The following CCDC178 variants were observed in gnomAD, a reference collection of about 807,000 sequenced individuals.
CCDC178 encodes coiled-coil domain-containing protein 178.
CCDC178 carries 126 observed loss-of-function variants against 117.4 expected under a neutral mutation model. The ratio of observed to expected loss-of-function variants is 1.07; its 90% CI spans 0.93 to 1.24. The LOEUF is 1.24. CCDC178 is among the 50% of genes most tolerant of loss of function. The pLI, the probability that CCDC178 is intolerant of heterozygous loss-of-function variation, is 0.00. For missense variants in CCDC178, 1,030 were observed against 986.9 expected (o/e 1.04, Z -0.59); for synonymous variants, 283 against 313.4 (o/e 0.90, Z 1.02).
At chr18:33,263,084 G>A (rs2059770661) in intron 14 of CCDC178, among the ~76,000 whole-genome samples, 1 of 152,034 alleles carries the variant, frequency 6.6e-6, no homozygotes, top group African/African-American at 2.4e-5. Context: ...TCAAATAAAT[G>A]GAGTTCAAAA....
intron 20 of CCDC178, among the ~76,000 whole-genome samples, chr18:33,133,879 A>G (rs1429723055): frequency 6.6e-6 from 1 of 151,992 alleles, no homozygotes; most frequent in Admixed American, 6.6e-5. Context: ...TAGATATCAT[A>G]TAATGAAATA....
At chr18:33,084,599 T>C (rs1223378942) in intron 21 of CCDC178, among the ~76,000 whole-genome samples, 2 of 151,804 alleles carry the variant, frequency 1.3e-5, no homozygotes, top group Non-Finnish European at 2.9e-5. Flanking sequence ...GATCACGAGG[T>C]CAGGAGTTCA....
chr18:33,220,157 G>A (rs987534712), intron 18 of CCDC178, among the ~76,000 whole-genome samples: 13 of 152,014 alleles, frequency 8.6e-5, no homozygotes, highest in Non-Finnish European at 1.8e-4. Context: ...GCTCCCATCT[G>A]CAGAAACACA....
chr18:33,327,833 A>G (rs2145028915), intron 10 of CCDC178, among the ~76,000 whole-genome samples: 1 of 152,148 alleles, frequency 6.6e-6, no homozygotes, highest in South Asian at 2.1e-4. Context: ...TTCTCTGTTT[A>G]TTTTAAATTT....
chr18:33,151,056 G>A (rs774005287), intron 20 of CCDC178, among the ~76,000 whole-genome samples: 1 of 152,148 alleles, frequency 6.6e-6, no homozygotes, highest in African/African-American at 2.4e-5. Context: ...AGGATGCAAA[G>A]GCATAAGAAT....
chr18:33,385,720 G>A (rs1051179152), intron 5 of CCDC178, among the ~76,000 whole-genome samples: 1 of 152,154 alleles, frequency 6.6e-6, no homozygotes, highest in Non-Finnish European at 1.5e-5. Context: ...GCAGTGTTAA[G>A]TGGCAAATTT....
At chr18:33,324,203 A>AT (rs2062555533) in intron 10 of CCDC178, among the ~76,000 whole-genome samples, 1 of 151,904 alleles carries the variant, frequency 6.6e-6, no homozygotes, top group African/African-American at 2.4e-5. Flanking sequence ...CTCTCTCTGT[A>AT]TATCGCTGTA....
chr18:33,437,475 C>G (rs930826721), intron 2 of CCDC178, among the ~76,000 whole-genome samples: 5 of 152,068 alleles, frequency 3.3e-5, no homozygotes, highest in Admixed American at 3.3e-4. Flanking sequence ...GTGGTTAAAT[C>G]CAAAGGTTTT....
At chr18:33,283,132 C>G (rs891929490) in intron 12 of CCDC178, among the ~76,000 whole-genome samples, 1 of 152,162 alleles carries the variant, frequency 6.6e-6, no homozygotes, top group Non-Finnish European at 1.5e-5. Flanking sequence ...TCCCCCAGAG[C>G]AGGCCAAACC....
At chr18:33,261,291 G>A (rs1298439016) in intron 14 of CCDC178, among the ~76,000 whole-genome samples, 5 of 152,032 alleles carry the variant, frequency 3.3e-5, no homozygotes, top group African/African-American at 1.2e-4. Context: ...CACCGTGTTA[G>A]CCAGGATGGT....
rs565633488 is a variant in CCDC178, at chr18:33,144,158, C to T, written c.2239-51248G>A. 9.9e-5 allele frequency among the ~76,000 whole-genome samples: 15 copies of T among 152,146 alleles called. No individual in the cohort carries two copies. In the East Asian group the frequency reaches 1.5e-3, roughly 16 times the overall value. ...GGATTCAAGTTGCTCTCCAACTACC[C>T]GCAAGCATCCTGAAAGTTAAATAGC... is the stretch of plus-strand genomic sequence containing the variant. On this transcript the variant is annotated intron_variant, in intron 20 of 22. Transcript: ENST00000383096.
chr18:32,969,687 C>T (rs2054886904), intron 22 of CCDC178, among the ~76,000 whole-genome samples: 1 of 151,878 alleles, frequency 6.6e-6, no homozygotes, highest in Admixed American at 6.6e-5. Context: ...ATTATGCTTC[C>T]CAAACTTGTA....
chr18:33,268,532 A>C (rs751217995), intron 12 of CCDC178, among the ~76,000 whole-genome samples: 7 of 151,888 alleles, frequency 4.6e-5, no homozygotes, highest in Non-Finnish European at 1.0e-4. Context: ...TAGAGTAATC[A>C]ATAAGATTTC....
chr18:33,192,622 C>T (rs1038754472), intron 20 of CCDC178, among the ~76,000 whole-genome samples: 1 of 152,140 alleles, frequency 6.6e-6, no homozygotes, highest in African/African-American at 2.4e-5. Context: ...CTCTATGGGC[C>T]CTGCGCGGTG....
intron 21 of CCDC178, among the ~76,000 whole-genome samples, chr18:33,044,191 G>C (rs1021016191): frequency 6.6e-6 from 1 of 151,840 alleles, no homozygotes; most frequent in Non-Finnish European, 1.5e-5. Flanking sequence ...ATTTAAGCAA[G>C]GAGATTAAAA....
intron 21 of CCDC178, among the ~76,000 whole-genome samples, chr18:33,006,021 C>A (rs1466007000): frequency 6.6e-6 from 1 of 151,952 alleles, no homozygotes; most frequent in Non-Finnish European, 1.5e-5. Flanking sequence ...AAGCACATTT[C>A]TTTTTCAATA....
chr18:32,993,091 G>A (rs982290523), intron 21 of CCDC178, among the ~76,000 whole-genome samples: 10 of 152,060 alleles, frequency 6.6e-5, no homozygotes, highest in African/African-American at 1.7e-4. Flanking sequence ...GCTTGAACCC[G>A]GGAGGCAGAG....
chr18:33,033,447 A>T (rs1345906642), intron 21 of CCDC178, among the ~76,000 whole-genome samples: 9 of 152,068 alleles, frequency 5.9e-5, no homozygotes, highest in Admixed American at 5.9e-4. Context: ...CTTCCCTGGC[A>T]TCTGGCTTAA....
intron 14 of CCDC178, among the ~76,000 whole-genome samples, chr18:33,265,550 A>G (rs1287649655): frequency 6.6e-6 from 1 of 152,004 alleles, no homozygotes; most frequent in Non-Finnish European, 1.5e-5. Flanking sequence ...TAAAAATACC[A>G]TGTATGGGCT....
Sources: gnomAD v4.1 joint callset for allele counts (sites outside exome capture counted in the v4.1 genomes callset) on GRCh38, gnomAD v4.1.1 for gene constraint, MANE v1.5 for transcripts, NCBI Gene and HGNC (gene_info 2026-07-23, HGNC 2026-07-21) for gene names.